Variants in FLNB observed in about 807,000 individuals in gnomAD.
FLNB encodes filamin-B.
In FLNB, 111 loss-of-function variants were observed where a neutral mutation model predicts 250.6. That is an observed-to-expected ratio of 0.44 (90% CI 0.38 to 0.52). The LOEUF (loss-of-function observed/expected upper bound fraction) is 0.52. Among genes scored for constraint, FLNB ranks in the 20% least tolerant of loss-of-function variants. FLNB has a pLI of 0.00. For synonymous variants in FLNB, 1,302 were observed against 1,372.1 expected, an observed-to-expected ratio of 0.95 and a Z score of 1.13; for missense variants, 2,869 against 3,447.8, an observed-to-expected ratio of 0.83 and a Z score of 4.20.
chr3:58,022,393 T>G lies in FLNB; in HGVS notation c.292+13537T>G, dbSNP rs181593213. On this transcript the variant is annotated intron_variant, in intron 1 of 45. Transcript: ENST00000295956. Reference sequence around the variant, plus strand: ...CCAGTGGAACACTTCGTTTTTGGACTGTGATGCTGAACTTAAAGAACTCAG... The same window carrying G: ...CCAGTGGAACACTTCGTTTTTGGACGGTGATGCTGAACTTAAAGAACTCAG... Among the ~76,000 whole-genome samples the G allele has an allele frequency of 2.0e-3, 306 of 152,316 alleles. 1 individual carries two copies. The highest frequency in any genetic ancestry group is 2.6e-3 in the Non-Finnish European group (178 of 68,026).
intron 4 of FLNB, among the ~76,000 whole-genome samples, chr3:58,083,651 C>T (rs2097212606): frequency 6.6e-6 from 1 of 152,126 alleles, no homozygotes; most frequent in Non-Finnish European, 1.5e-5. Flanking sequence ...TAAGACGACA[C>T]ATGGCTAGGG....
chr3:58,036,451 G>A (rs2097138239), intron 1 of FLNB, among the ~76,000 whole-genome samples: 1 of 152,134 alleles, frequency 6.6e-6, no homozygotes, highest in Non-Finnish European at 1.5e-5. Flanking sequence ...ACAGGGGGTC[G>A]AAGTGACGTT....
intron 1 of FLNB, among the ~76,000 whole-genome samples, chr3:58,034,125 T>A (rs1255134438): frequency 6.6e-6 from 1 of 152,222 alleles, no homozygotes; most frequent in African/African-American, 2.4e-5. Context: ...CCTCCCAAAG[T>A]GCAGGGATTA....
At chr3:58,011,395 C>A (rs1392443843) in intron 1 of FLNB, among the ~76,000 whole-genome samples, 3 of 152,110 alleles carry the variant, frequency 2.0e-5, no homozygotes, top group Non-Finnish European at 4.4e-5. Context: ...ATCATATTCC[C>A]CAGAGTGACA....
chr3:58,040,775 G>A (rs1268534), intron 1 of FLNB, among the ~76,000 whole-genome samples: 13 of 152,152 alleles, frequency 8.5e-5, no homozygotes, highest in African/African-American at 2.9e-4. Flanking sequence ...GATTACAGGC[G>A]TGAGCCACCG....
intron 1 of FLNB, among the ~76,000 whole-genome samples, chr3:58,042,575 C>T (rs2097147576): frequency 6.6e-6 from 1 of 151,988 alleles, no homozygotes; most frequent in African/African-American, 2.4e-5. Flanking sequence ...AATGCAGTAG[C>T]ACGATCATGG....
chr3:58,147,481 G>A (rs772476266), intron 34 of FLNB, among the ~76,000 whole-genome samples: 1 of 152,190 alleles, frequency 6.6e-6, no homozygotes, highest in Non-Finnish European at 1.5e-5. Context: ...GCTGTGTTCA[G>A]GTTATGCTTT....
At chr3:58,122,149 A>T (rs2107170544) in intron 20 of FLNB, among the ~76,000 whole-genome samples, 1 of 137,256 alleles carries the variant, frequency 7.3e-6, no homozygotes, top group Non-Finnish European at 1.5e-5. Context: ...AGCCTGGGCG[A>T]CAGAGCAAGA....
rs186642398 is a variant in FLNB, at chr3:58,014,207, G to A, written c.292+5351G>A. Among the ~76,000 whole-genome samples, 103 of 152,298 alleles carry A rather than the reference G, an allele frequency of 6.8e-4. 1 individual carries two copies. Among genetic ancestry groups the A allele is most frequent in the African/African-American group, 2.2e-3 (93 of 41,560 alleles). ...CACTGAAAGGGCATTTGAAATCAGCGCGCTCTGGGGAGAACAGCTTGGTTG... is the reference window on the plus strand; with the variant it reads ...CACTGAAAGGGCATTTGAAATCAGCACGCTCTGGGGAGAACAGCTTGGTTG... On this transcript the variant is annotated intron_variant, in intron 1 of 45. Transcript: ENST00000295956.
At chr3:58,054,522 A>G (rs530139971) in intron 1 of FLNB, among the ~76,000 whole-genome samples, 3 of 152,276 alleles carry the variant, frequency 2.0e-5, no homozygotes, top group South Asian at 2.1e-4. Flanking sequence ...GAAACTTACA[A>G]TCATGGCAGA....
At position 58,142,759 on chromosome 3, in the gene FLNB, A is replaced by G. The variant is rs1381849100; in HGVS notation, c.5284+7A>G. ...AGGAAAGGAGAAATCACTGGTAAGC[A>G]CTTGCCATAAAGGCCGTCTCATTCT... On this transcript the variant is annotated splice_region_variant and intron_variant, in intron 31 of 45. Coordinates refer to ENST00000295956, the MANE Select transcript of FLNB (RefSeq NM_001457.4). The surrounding 1 kb of genome is among the most constrained non-coding windows in gnomAD (Gnocchi z 4.3). 11 of 1,611,768 alleles carry G rather than the reference A, an allele frequency of 6.8e-6. No individual in the cohort carries two copies. The highest frequency in any genetic ancestry group is 9.3e-6 in the Non-Finnish European group (11 of 1,177,808).
In FLNB at chr3:58,108,125, C is replaced by CA. The variant is rs199822091; in HGVS notation, c.1942-323dup. 0.012 allele frequency among the ~76,000 whole-genome samples: 1,826 copies of CA among 148,716 alleles called. 39 individuals carry two copies. The highest frequency in any genetic ancestry group is 0.061 in the East Asian group (312 of 5,098). On this transcript the variant is annotated intron_variant, in intron 12 of 45. Coordinates refer to ENST00000295956, the MANE Select transcript of FLNB (RefSeq NM_001457.4). ...GATAGCCGATGAACAAAAACAAAAA[C>CA]AAAAAAAAAATTGCAAAAAATTTTA...
chr3:58,159,559 G>C lies in FLNB; in HGVS notation c.6894G>C (p.Ser2298=), dbSNP rs141740204. ...RRLTVMSLQE[S]GLKVNQPASF... Reference sequence around the variant, plus strand: ...CTGATGTATTAAATTCTCAGGAATCGGGATTAAAAGTTAACCAGCCAGCAT... The same window carrying C: ...CTGATGTATTAAATTCTCAGGAATCCGGATTAAAAGTTAACCAGCCAGCAT... Residue 2298 remains serine, a synonymous_variant, in exon 42 of 46, where the codon TCG becomes TCC. Transcript: ENST00000295956. 3.7e-6 allele frequency: 6 copies of C among 1,614,102 alleles called. No individual in the cohort carries two copies. The highest frequency in any genetic ancestry group is 5.1e-6 in the Non-Finnish European group (6 of 1,180,012).
At position 58,169,651 on chromosome 3, in the gene FLNB, G is replaced by A. The variant is rs2097377935; in HGVS notation, c.7479G>A (p.Val2493=). The part of the protein sequence containing the change: ...NETSSILVES[V]TRSSTETCYS... ...CCTCATCCATCCTGGTGGAGTCAGT[G>A]ACCAGGTCGTCTACAGAGACCTGCT... is the stretch of plus-strand genomic sequence containing the variant. The change falls in exon 45 of 46, where the codon GTG becomes GTA. Residue 2493 remains valine, a synonymous_variant. Coordinates refer to ENST00000295956, the MANE Select transcript of FLNB (RefSeq NM_001457.4). The surrounding 1 kb of genome is among the most constrained non-coding windows in gnomAD (Gnocchi z 4.8). 1.9e-6 allele frequency: 3 copies of A among 1,614,074 alleles called. No individual in the cohort carries two copies. The highest frequency in any genetic ancestry group is 4.5e-5 in the East Asian group (2 of 44,884).
At chr3:58,087,624 G>A (rs1041674307) in intron 4 of FLNB, among the ~76,000 whole-genome samples, 4 of 152,036 alleles carry the variant, frequency 2.6e-5, no homozygotes, top group African/African-American at 9.6e-5. Context: ...GGCTAATTTT[G>A]TAGTTTTAGT....
At chr3:58,046,080 C>T (rs1271556133) in intron 1 of FLNB, among the ~76,000 whole-genome samples, 3 of 151,174 alleles carry the variant, frequency 2.0e-5, no homozygotes, top group African/African-American at 4.9e-5. Flanking sequence ...CCTTCTGGTC[C>T]AGCCAGGTTT....
intron 1 of FLNB, among the ~76,000 whole-genome samples, chr3:58,074,077 C>G (rs1417692779): frequency 6.6e-6 from 1 of 152,200 alleles, no homozygotes; most frequent in Non-Finnish European, 1.5e-5. Context: ...CAGGTTTTCC[C>G]CACACTCAGG....
rs1220382656 is a variant in FLNB, at chr3:58,164,137, G to T, written c.7198+807G>T. ...TTTGTCTTACAGAAAGAATCTTACT[G>T]TATCCACTGTGTGGTATAGCTTGTG... On this transcript the variant is annotated intron_variant, in intron 43 of 45. Coordinates refer to ENST00000295956, the MANE Select transcript of FLNB (RefSeq NM_001457.4). The surrounding 1 kb of genome is among the most constrained non-coding windows in gnomAD (Gnocchi z 4.0). 1 of 152,270 alleles carries T rather than the reference G, an allele frequency of 6.6e-6. No homozygotes were observed. Among genetic ancestry groups the T allele is most frequent in the Non-Finnish European group, 1.5e-5 (1 of 68,080 alleles). The allele number at this position is 152,270 out of a possible 1,614,324, so 9.4% of individuals were successfully genotyped here.
chr3:58,109,486 A>G (rs2097264935), intron 14 of FLNB, 90 bp from the exon 15 acceptor site: 2 of 1,608,494 alleles, frequency 1.2e-6, no homozygotes, highest in Non-Finnish European at 1.7e-6. Flanking sequence ...CAGCCTGCTC[A>G]GAAGAACTAT....
Sources: allele counts gnomAD v4.1 joint callset (sites outside exome capture counted in the v4.1 genomes callset), GRCh38; gene constraint gnomAD v4.1.1; non-coding constraint Gnocchi (gnomAD v3.1); transcripts MANE v1.5; gene names NCBI Gene and HGNC (gene_info 2026-07-23, HGNC 2026-07-21).